Variants in DCP1B observed in about 807,000 individuals in gnomAD.
DCP1B encodes mRNA-decapping enzyme 1B.
A neutral mutation model predicts 60.5 loss-of-function variants in DCP1B; 47 were observed. That is an observed-to-expected ratio of 0.78 (90% CI 0.61 to 0.99). The LOEUF (loss-of-function observed/expected upper bound fraction) is 0.99, where lower values mean the gene tolerates loss of function less well. Ranked by LOEUF, DCP1B falls within the 50% of genes least tolerant of loss-of-function variation. The probability of loss-of-function intolerance (pLI) is 0.00; values close to 1 mark genes in which losing one functional copy is unlikely to be tolerated. For synonymous variants in DCP1B, 267 were observed against 280.3 expected (o/e 0.95, Z 0.47); for missense variants, 725 against 756.8 (o/e 0.96, Z 0.49).
At chr12:1,942,658 C>T (rs1461314733), downstream of DCP1B, among the ~76,000 whole-genome samples, 2 of 152,194 alleles carry the variant, frequency 1.3e-5, no homozygotes. Flanking sequence ...CGCACAACTA[C>T]ACGGAAACTG....
chr12:1,983,669 C>A (rs945699870), intron 3 of DCP1B, among the ~76,000 whole-genome samples: 1 of 151,956 alleles, frequency 6.6e-6, no homozygotes, highest in Admixed American at 6.6e-5. Context: ...GAATGTTTCA[C>A]GTGCACTTGA....
chr12:1,994,301 TAACA>T (rs1228641684), intron 2 of DCP1B, among the ~76,000 whole-genome samples: 3 of 152,248 alleles, frequency 2.0e-5, no homozygotes, highest in Non-Finnish European at 2.9e-5. Context: ...GGGCTGTTAT[TAACA>T]AACCCACAGA....
chr12:1,958,930 T>G (rs2031014614), intron 5 of DCP1B, among the ~76,000 whole-genome samples: 1 of 130,498 alleles, frequency 7.7e-6, no homozygotes, highest in Non-Finnish European at 1.6e-5. Flanking sequence ...GGGCAATGAC[T>G]TTTTCTATAA....
intron 1 of DCP1B, among the ~76,000 whole-genome samples, chr12:2,000,440 T>C (rs1003417294): frequency 6.6e-6 from 1 of 152,156 alleles, no homozygotes; most frequent in African/African-American, 2.4e-5. Context: ...CCTTTCTTCC[T>C]TGATGTAACA....
At chr12:2,003,998 C>T (rs2042784643) in intron 1 of DCP1B, among the ~76,000 whole-genome samples, 1 of 152,174 alleles carries the variant, frequency 6.6e-6, no homozygotes, top group Non-Finnish European at 1.5e-5. Flanking sequence ...TCCTTCCTTT[C>T]CTTCGGCTCT....
chr12:1,964,864 G>A (rs140512694), intron 5 of DCP1B, among the ~76,000 whole-genome samples: 13 of 152,208 alleles, frequency 8.5e-5, no homozygotes, highest in African/African-American at 2.4e-4. Flanking sequence ...GGGAGAGCTC[G>A]CTCCATCCCC....
At position 1,953,140 on chromosome 12, in the gene DCP1B, C is replaced by G; in HGVS notation, c.800G>C (p.Arg267Thr). The G allele has an allele frequency of 6.2e-7, 1 of 1,610,350 alleles. No homozygotes were observed. Among genetic ancestry groups the G allele is most frequent in the Non-Finnish European group, 8.5e-7 (1 of 1,179,416 alleles). Residue 267 changes from arginine to threonine, a missense_variant, in exon 7 of 9, where the codon AGG (arginine) becomes ACG (threonine). Physicochemically the swap from Arg to Thr is moderately conservative, Grantham distance 71. Coordinates refer to ENST00000280665, the MANE Select transcript of DCP1B (RefSeq NM_152640.5). ...QQQQQEKLPIRQGVVRSLSYE... is the reference protein window; with the variant it reads ...QQQQQEKLPITQGVVRSLSYE... Reference sequence around the variant, plus strand: ...GGACAGGGAGCGTACAACCCCCTGCCTAATTGGAAGCTTCTCTTGCTGCTG... The same window carrying G: ...GGACAGGGAGCGTACAACCCCCTGCGTAATTGGAAGCTTCTCTTGCTGCTG...
At chr12:1,991,049 T>C (rs2039276114) in intron 3 of DCP1B, 1 of 454,122 alleles carries the variant, frequency 2.2e-6, no homozygotes, top group Admixed American at 2.4e-5. Flanking sequence ...TCACTCTTTG[T>C]TGTTCAACTG....
chr12:1,962,378 T>C lies in DCP1B; in HGVS notation c.522+3180A>G, dbSNP rs1391163930. Among the ~76,000 whole-genome samples the C allele has an allele frequency of 6.6e-6, 1 of 152,120 alleles. No individual in the cohort carries two copies. Among genetic ancestry groups the C allele is most frequent in the African/African-American group, 2.4e-5 (1 of 41,420 alleles). On this transcript the variant is annotated intron_variant, in intron 5 of 8. Coordinates refer to ENST00000280665, the MANE Select transcript of DCP1B (RefSeq NM_152640.5). This position sits in a 1 kb window ranked among gnomAD's most constrained non-coding sequence, Gnocchi z 4.4. ...TCCCCAGCCAGAAAGGATTTTAAGA[T>C]GTCAAAACATTATAACATATAGAAG...
At chr12:1,999,684 C>T (rs868624477) in intron 1 of DCP1B, among the ~76,000 whole-genome samples, 2 of 152,282 alleles carry the variant, frequency 1.3e-5, no homozygotes, top group Middle Eastern at 6.8e-3. Flanking sequence ...TATGATTGTA[C>T]CTCTGCATTC....
At position 1,994,515 on chromosome 12, in the gene DCP1B, C is replaced by A. The variant is rs181990012; in HGVS notation, c.192-1124G>T. 2.1e-3 allele frequency among the ~76,000 whole-genome samples: 313 copies of A among 152,218 alleles called. 2 individuals are homozygous for A. The highest frequency in any genetic ancestry group is 0.02 in the Middle Eastern group (6 of 294). On this transcript the variant is annotated intron_variant, in intron 2 of 8. Transcript: ENST00000280665. The stretch of plus-strand genomic sequence containing the variant: ...AGTGGTGGTAAGCATACAATCAATA[C>A]CAGAAATAATCATGATCATCACTTC...
chr12:1,967,896 T>G lies in DCP1B; in HGVS notation c.334A>C (p.Ile112Leu). Residue 112 changes from isoleucine to leucine, a missense_variant, in exon 4 of 9, where the codon ATT (isoleucine) becomes CTT (leucine). By Grantham distance (5) the Ile-to-Leu change is conservative. Coordinates refer to ENST00000280665, the MANE Select transcript of DCP1B (RefSeq NM_152640.5). ...YRNARLSIYG[I>L]WFYDKEECQR... Reference sequence around the variant, plus strand: ...CATTCTTCCTTATCATAAAACCAAATTCCATAGATGGACACTGCAAAAAAC... The same window carrying G: ...CATTCTTCCTTATCATAAAACCAAAGTCCATAGATGGACACTGCAAAAAAC... 3 of 1,613,060 alleles carry G rather than the reference T, an allele frequency of 1.9e-6. No homozygotes were observed. The highest frequency in any genetic ancestry group is 2.5e-6 in the Non-Finnish European group (3 of 1,179,712).
At chr12:1,988,463 T>C (rs1006586576) in intron 3 of DCP1B, among the ~76,000 whole-genome samples, 3 of 152,148 alleles carry the variant, frequency 2.0e-5, no homozygotes, top group Non-Finnish European at 4.4e-5. Context: ...TTCTGCAGGG[T>C]GGGTCAATGC....
intron 1 of DCP1B, among the ~76,000 whole-genome samples, chr12:2,003,717 C>A (rs1420025451): frequency 6.6e-6 from 1 of 152,200 alleles, no homozygotes; most frequent in African/African-American, 2.4e-5. Context: ...CAGCTTCCTT[C>A]TAAGTGTTAG....
intron 3 of DCP1B, among the ~76,000 whole-genome samples, chr12:1,973,552 T>C (rs1343116945): frequency 2.6e-5 from 4 of 152,232 alleles, no homozygotes; most frequent in Non-Finnish European, 5.9e-5. Flanking sequence ...GGATTCATGT[T>C]ATATCATTCA....
chr12:1,974,973 TTTAA>T (rs2154460278), intron 3 of DCP1B, among the ~76,000 whole-genome samples: 1 of 152,258 alleles, frequency 6.6e-6, no homozygotes, highest in East Asian at 1.9e-4. Flanking sequence ...AGCCAGATGA[TTTAA>T]TTGAGTGTTT....
rs866114756 is a variant in DCP1B at position 1,999,718 on chromosome 12, C to T, written c.151-1743G>A. ...TCCAGCCTGGGCAACAGAGGGAGACCCTGTTTCTTATAAATAAATAAATAA... is the reference window on the plus strand; with the variant it reads ...TCCAGCCTGGGCAACAGAGGGAGACTCTGTTTCTTATAAATAAATAAATAA... On this transcript the variant is annotated intron_variant, in intron 1 of 8. Coordinates refer to ENST00000280665, the MANE Select transcript of DCP1B (RefSeq NM_152640.5). Among the ~76,000 whole-genome samples, 10 of 152,122 alleles carry T rather than the reference C, an allele frequency of 6.6e-5. No individual in the cohort carries two copies. In the Middle Eastern group the frequency reaches 0.024, roughly 362 times the overall value.
chr12:1,943,934 G>A (rs1007283282), downstream of DCP1B, among the ~76,000 whole-genome samples: 10 of 152,134 alleles, frequency 6.6e-5, no homozygotes, highest in African/African-American at 2.2e-4. Flanking sequence ...TGGAAGTTCT[G>A]GCCAGGGCAA....
chr12:1,958,259 AAC>A (rs2030969765), intron 5 of DCP1B, among the ~76,000 whole-genome samples: 1 of 149,758 alleles, frequency 6.7e-6, no homozygotes, highest in African/African-American at 2.5e-5. Flanking sequence ...AAAGCTCCCC[AAC>A]GTTGCTCTGG....
Sources: allele counts gnomAD v4.1 joint callset (sites outside exome capture counted in the v4.1 genomes callset), GRCh38; gene constraint gnomAD v4.1.1; non-coding constraint Gnocchi (gnomAD v3.1); transcripts MANE v1.5; gene names NCBI Gene and HGNC (gene_info 2026-07-23, HGNC 2026-07-21).